Variants in DMD observed in about 807,000 individuals in gnomAD.
DMD encodes the protein mutant dystrophin.
A neutral mutation model predicts 330.1 loss-of-function variants in DMD; 63 were observed. The ratio of observed to expected loss-of-function variants is 0.19; its 90% CI spans 0.16 to 0.24. The LOEUF (loss-of-function observed/expected upper bound fraction) is 0.24, where lower values mean the gene tolerates loss of function less well. DMD is among the 10% of genes least tolerant of loss of function. The probability of loss-of-function intolerance (pLI) is 1.00; values close to 1 mark genes in which losing one functional copy is unlikely to be tolerated. For synonymous variants in DMD, 1,223 were observed against 959.8 expected (o/e 1.27, Z -5.07); for missense variants, 3,344 against 2,684.1 (o/e 1.25, Z -5.43).
intron 44 of DMD, among the ~76,000 whole-genome samples, chrX:32,185,235 G>A (rs1603627844): frequency 9.0e-6 from 1 of 111,384 alleles, no homozygotes; most frequent in African/African-American, 3.2e-5. Context: ...AAAGATGTCA[G>A]GAGCAAGAGG....
chrX:32,238,480 A>G (rs2097196418), intron 43 of DMD, among the ~76,000 whole-genome samples: 1 of 111,136 alleles, frequency 9.0e-6, no homozygotes, highest in Non-Finnish European at 1.9e-5. Flanking sequence ...AGAGAAAGAG[A>G]GACACAGAGA....
intron 44 of DMD, among the ~76,000 whole-genome samples, chrX:32,047,593 C>T (rs1162544337): frequency 2.7e-5 from 3 of 111,532 alleles, no homozygotes; most frequent in Non-Finnish European, 3.8e-5. Flanking sequence ...TATTTTGTGA[C>T]CACTCTGTTC....
chrX:32,446,785 T>C (rs1293316735), intron 27 of DMD, among the ~76,000 whole-genome samples: 1 of 110,381 alleles, frequency 9.1e-6, no homozygotes, highest in African/African-American at 3.3e-5. Flanking sequence ...TTCCACCATA[T>C]TATTGTTAGA....
intron 2 of DMD, among the ~76,000 whole-genome samples, chrX:32,948,149 C>CACACACACACACACACACA (rs1569544946): frequency 9.3e-6 from 1 of 107,183 alleles, no homozygotes; most frequent in Non-Finnish European, 1.9e-5. Flanking sequence ...CACACACACA[C>CACACACACACACACACACA]CAGGGACGGA....
intron 67 of DMD, among the ~76,000 whole-genome samples, chrX:31,188,376 T>G (rs1427338966): frequency 8.9e-6 from 1 of 112,125 alleles, no homozygotes; most frequent in Non-Finnish European, 1.9e-5. Context: ...AGGGATAGAT[T>G]GGAATAGCAG....
intron 1 of DMD, among the ~76,000 whole-genome samples, chrX:33,218,230 G>T (rs1347473291): frequency 9.0e-6 from 1 of 111,266 alleles, no homozygotes; most frequent in Non-Finnish European, 1.9e-5. Flanking sequence ...TTAATATAAT[G>T]TGTAAAAATT....
At chrX:31,951,174 T>TACAC (rs2095172531) in intron 45 of DMD, among the ~76,000 whole-genome samples, 1 of 95,585 alleles carries the variant, frequency 1.0e-5, no homozygotes, top group Non-Finnish European at 2.1e-5. Context: ...TATATATATA[T>TACAC]GTATATATAT....
intron 32 of DMD, among the ~76,000 whole-genome samples, chrX:32,387,494 T>C (rs777218599): frequency 1.8e-5 from 2 of 111,524 alleles, no homozygotes; most frequent in Non-Finnish European, 3.8e-5. Context: ...ATTGTTTTTA[T>C]GGAATTAGAA....
chrX:31,666,269 G>A (rs1001060635), intron 53 of DMD, among the ~76,000 whole-genome samples: 2 of 111,627 alleles, frequency 1.8e-5, no homozygotes, highest in African/African-American at 6.5e-5. Context: ...CTCAGGAATG[G>A]CCATGTGACT....
At chrX:32,390,344 C>T (rs2097993051) in intron 30 of DMD, among the ~76,000 whole-genome samples, 163 bp from the exon 31 acceptor site, 1 of 111,623 alleles carries the variant, frequency 9.0e-6, no homozygotes, top group Non-Finnish European at 1.9e-5. Flanking sequence ...GTAATCCTAG[C>T]ACTTTGGGAG....
chrX:32,201,383 C>T (rs2147723094), intron 44 of DMD, among the ~76,000 whole-genome samples: 1 of 108,684 alleles, frequency 9.2e-6, no homozygotes, highest in East Asian at 2.9e-4. Flanking sequence ...TGTTCCACCA[C>T]TGTGGAGATG....
At chrX:32,863,575 A>ACACACAC (rs746034767) in intron 2 of DMD, among the ~76,000 whole-genome samples, 89 of 69,991 alleles carry the variant, frequency 1.3e-3, no homozygotes, top group African/African-American at 5.5e-3. Context: ...CACACACACA[A>ACACACAC]ATACACACAT....
intron 72 of DMD, among the ~76,000 whole-genome samples, chrX:31,172,986 G>A (rs1179425930): frequency 1.8e-5 from 2 of 111,572 alleles, no homozygotes; most frequent in Non-Finnish European, 3.8e-5. Context: ...AACTAAAAAA[G>A]TTAACCAAAC....
chrX:32,644,120 A>C lies in DMD; in HGVS notation c.1331+12T>G. The stretch of plus-strand genomic sequence containing the variant: ...TGTTAGTCTTCTTAATTAAAAACAA[A>C]TAAGGACTTACTTGCTTTGTTTTTC... On this transcript the variant is annotated intron_variant, in intron 11 of 78. Coordinates refer to ENST00000357033, the MANE Select transcript of DMD (RefSeq NM_004006.3). 1 of 1,196,236 alleles carries C rather than the reference A, an allele frequency of 8.4e-7. No homozygotes were observed. The highest frequency in any genetic ancestry group is 1.1e-6 in the Non-Finnish European group (1 of 884,201).
At chrX:33,112,995 C>T (rs1474016696) in intron 1 of DMD, among the ~76,000 whole-genome samples, 7 of 105,357 alleles carry the variant, frequency 6.6e-5, no homozygotes, top group Non-Finnish European at 7.8e-5. Context: ...TAATTGCATA[C>T]AAAAAAGAAA....
intron 52 of DMD, among the ~76,000 whole-genome samples, chrX:31,685,234 A>G (rs746770289): frequency 1.8e-5 from 2 of 111,375 alleles, no homozygotes; most frequent in South Asian, 7.6e-4. Flanking sequence ...ACCTCTTTCT[A>G]TTCAATTTCT....
intron 67 of DMD, among the ~76,000 whole-genome samples, chrX:31,192,833 T>G (rs1389431772): frequency 8.9e-6 from 1 of 112,134 alleles, no homozygotes; most frequent in East Asian, 2.8e-4. Flanking sequence ...CCCCAAAATC[T>G]TTTGAATCTT....
intron 37 of DMD, among the ~76,000 whole-genome samples, chrX:32,351,934 A>C (rs767581107): frequency 9.0e-6 from 1 of 110,892 alleles, no homozygotes; most frequent in Non-Finnish European, 1.9e-5. Flanking sequence ...GGAAACTTAG[A>C]CTTCTTTAGT....
intron 1 of DMD, among the ~76,000 whole-genome samples, chrX:33,043,149 A>C (rs1207477065): frequency 1.8e-5 from 2 of 112,218 alleles, no homozygotes; most frequent in Non-Finnish European, 3.8e-5. Context: ...TAGAATCATT[A>C]AAGTACATTC....
Sources: gnomAD v4.1 joint callset for allele counts (sites outside exome capture counted in the v4.1 genomes callset) on GRCh38, gnomAD v4.1.1 for gene constraint, MANE v1.5 for transcripts, NCBI Gene and HGNC (gene_info 2026-07-23, HGNC 2026-07-21) for gene names.